HECW1: variants seen among roughly 807,000 people sequenced by gnomAD.
HECW1 encodes HECT, C2 and WW domain containing E3 ubiquitin protein ligase 1.
Under a neutral mutation model 182.3 loss-of-function variants are expected in HECW1, and 61 were observed. That is an observed-to-expected ratio of 0.33 (90% CI 0.27 to 0.41). The LOEUF (loss-of-function observed/expected upper bound fraction) is 0.41, where lower values mean the gene tolerates loss of function less well. Among genes scored for constraint, HECW1 ranks in the 10% least tolerant of loss-of-function variants. The pLI is 1.00. For synonymous variants in HECW1, 859 were observed against 832.6 expected (o/e 1.03, Z -0.55); for missense variants, 1,739 against 2,108.9 (o/e 0.82, Z 3.44).
At chr7:43,401,750 G>A (rs1301523890) in intron 7 of HECW1, among the ~76,000 whole-genome samples, 2 of 151,672 alleles carry the variant, frequency 1.3e-5, no homozygotes, top group African/African-American at 4.8e-5. Context: ...GGGTAGAAGA[G>A]GGCAGTTACC....
chr7:43,345,268 A>G (rs1197606797), intron 5 of HECW1, among the ~76,000 whole-genome samples: 1 of 152,194 alleles, frequency 6.6e-6, no homozygotes, highest in African/African-American at 2.4e-5. Flanking sequence ...ATTTAAATGA[A>G]TTACTATTAG....
chr7:43,402,939 T>G (rs1420314747), intron 7 of HECW1, among the ~76,000 whole-genome samples: 1 of 152,222 alleles, frequency 6.6e-6, no homozygotes, highest in Non-Finnish European at 1.5e-5. Flanking sequence ...CAAAGATTTA[T>G]TTACAAATAT....
At chr7:43,527,390 T>TTA (rs397948741) in intron 24 of HECW1, among the ~76,000 whole-genome samples, 2 of 151,898 alleles carry the variant, frequency 1.3e-5, no homozygotes, top group Non-Finnish European at 2.9e-5. Context: ...ACCCTTTTTT[T>TTA]ACCTCTTTCA....
chr7:43,491,235 T>C (rs906108573), intron 17 of HECW1, among the ~76,000 whole-genome samples: 1 of 152,220 alleles, frequency 6.6e-6, no homozygotes, highest in African/African-American at 2.4e-5. Flanking sequence ...GTTATCCCCC[T>C]GTCTTACGGT....
intron 17 of HECW1, among the ~76,000 whole-genome samples, chr7:43,488,378 GGAAGGAAGGAAGGAA>G: frequency 1.2e-5 from 1 of 85,932 alleles, no homozygotes; most frequent in Middle Eastern, 6.9e-3. Context: ...AAGGAAGGAA[GGAAGGAAGGAAGGAA>G]GGAAGGAAAT....
intron 2 of HECW1, among the ~76,000 whole-genome samples, chr7:43,125,773 A>AG (rs1786160174): frequency 6.7e-6 from 1 of 148,326 alleles, no homozygotes; most frequent in Admixed American, 6.7e-5. Context: ...AAAAAAAAAA[A>AG]AAAAAAAGAG....
At chr7:43,493,559 C>T (rs115519375) in intron 19 of HECW1, among the ~76,000 whole-genome samples, 1,627 of 152,054 alleles carry the variant, frequency 0.011, 34 homozygotes, top group African/African-American at 0.037. Flanking sequence ...CAGCCGTGTT[C>T]GAAAATAAAA....
At chr7:43,332,151 T>A (rs145208051) in intron 5 of HECW1, among the ~76,000 whole-genome samples, 2 of 150,814 alleles carry the variant, frequency 1.3e-5, no homozygotes, top group East Asian at 3.9e-4. Context: ...AACTCAGGAG[T>A]GATTTTCATC....
intron 6 of HECW1, among the ~76,000 whole-genome samples, chr7:43,394,834 T>G (rs2075170337): frequency 6.6e-6 from 1 of 152,200 alleles, no homozygotes; most frequent in African/African-American, 2.4e-5. Context: ...CCGGAGTTTA[T>G]TATTACTCAA....
At chr7:43,145,629 T>A (rs369141413) in intron 2 of HECW1, among the ~76,000 whole-genome samples, 1 of 152,220 alleles carries the variant, frequency 6.6e-6, no homozygotes, top group Non-Finnish European at 1.5e-5. Flanking sequence ...GGTGTCTTCC[T>A]GCTGTAGAGG....
At chr7:43,131,362 C>CT (rs1359301432) in intron 2 of HECW1, among the ~76,000 whole-genome samples, 1 of 152,198 alleles carries the variant, frequency 6.6e-6, no homozygotes, top group Non-Finnish European at 1.5e-5. Flanking sequence ...TGAAGTGTTT[C>CT]TATGGCTTGA....
At chr7:43,316,693 C>T (rs1809300939) in intron 4 of HECW1, among the ~76,000 whole-genome samples, 1 of 149,290 alleles carries the variant, frequency 6.7e-6, no homozygotes, top group African/African-American at 2.5e-5. Context: ...GAGCCTAGAG[C>T]ACCCATTCCA....
chr7:43,465,502 A>ACACTG (rs2077733932), intron 14 of HECW1, among the ~76,000 whole-genome samples: 1 of 152,214 alleles, frequency 6.6e-6, no homozygotes, highest in Non-Finnish European at 1.5e-5. Flanking sequence ...TGGCAGGGTT[A>ACACTG]CCAGAGAGTG....
At chr7:43,162,243 G>A (rs917076921) in intron 2 of HECW1, among the ~76,000 whole-genome samples, 2 of 152,188 alleles carry the variant, frequency 1.3e-5, no homozygotes, top group Non-Finnish European at 2.9e-5. Context: ...AACAAATTAC[G>A]ACAAACTTGT....
At chr7:43,450,067 T>C (rs1028947232) in intron 11 of HECW1, among the ~76,000 whole-genome samples, 1 of 152,190 alleles carries the variant, frequency 6.6e-6, no homozygotes, top group Admixed American at 6.5e-5. Flanking sequence ...CATGTTTGTC[T>C]TTCTTCCTCC....
chr7:43,557,418 A>G (rs1348510667), intron 29 of HECW1, among the ~76,000 whole-genome samples: 1 of 152,246 alleles, frequency 6.6e-6, no homozygotes, highest in African/African-American at 2.4e-5. Flanking sequence ...TGTCAGTCCA[A>G]GCCCCTGCCT....
chr7:43,309,929 G>A (rs1227475053), intron 3 of HECW1, among the ~76,000 whole-genome samples: 1 of 152,180 alleles, frequency 6.6e-6, no homozygotes, highest in Non-Finnish European at 1.5e-5. Context: ...AGCAGGTACT[G>A]TACTAAGAAC....
intron 8 of HECW1, among the ~76,000 whole-genome samples, chr7:43,427,798 A>G (rs1435377027): frequency 6.6e-6 from 1 of 152,188 alleles, no homozygotes; most frequent in Non-Finnish European, 1.5e-5. Context: ...TGGCCAGAGC[A>G]GTCCATGACA....
rs575205183 is a variant in HECW1, at chr7:43,158,719, C to T, written c.-32+44328C>T. The stretch of plus-strand genomic sequence containing the variant: ...CTGCTCCATCAGGCAGTCATTCCCA[C>T]CCAGCTACCTCTCCCTGGGTTCCAG... On this transcript the variant is annotated intron_variant, in intron 2 of 29. Transcript: ENST00000395891. Among the ~76,000 whole-genome samples, 5 of 152,334 alleles carry T rather than the reference C, an allele frequency of 3.3e-5. No homozygotes were observed. In the South Asian group the frequency reaches 1.0e-3, roughly 32 times the overall value.
Sources: gnomAD v4.1 joint callset for allele counts (sites outside exome capture counted in the v4.1 genomes callset) on GRCh38, gnomAD v4.1.1 for gene constraint, MANE v1.5 for transcripts, NCBI Gene and HGNC (gene_info 2026-07-23, HGNC 2026-07-21) for gene names.